Variants in HTR2C observed in about 807,000 individuals in gnomAD.
HTR2C encodes 5-hydroxytryptamine receptor 2C.
In HTR2C, 5 loss-of-function variants were observed where a neutral mutation model predicts 21.0. The observed-to-expected ratio is 0.24, with a 90% CI of 0.12 to 0.50. The LOEUF (loss-of-function observed/expected upper bound fraction) is 0.50. Ranked by LOEUF, HTR2C falls within the 20% of genes least tolerant of loss-of-function variation. The probability of loss-of-function intolerance (pLI) is 0.98; values close to 1 mark genes in which losing one functional copy is unlikely to be tolerated. For missense variants in HTR2C, 271 were observed against 371.2 expected (o/e 0.73, Z 2.22); for synonymous variants, 150 against 145.3 (o/e 1.03, Z -0.23).
chrX:114,645,468 G>A (rs1556407361), intron 2 of HTR2C, among the ~76,000 whole-genome samples: 2 of 103,848 alleles, frequency 1.9e-5, no homozygotes, highest in Non-Finnish European at 4.1e-5. Context: ...GAGAGAGAGG[G>A]AGAACGTAAT....
chrX:114,798,729 A>G (rs1427884070), intron 4 of HTR2C, among the ~76,000 whole-genome samples: 1 of 66,476 alleles, frequency 1.5e-5, no homozygotes, highest in Non-Finnish European at 3.1e-5. Flanking sequence ...TAGTTATCAC[A>G]TAAAAATACT....
chrX:114,788,679 G>A (rs2070201879), intron 4 of HTR2C, among the ~76,000 whole-genome samples: 1 of 111,377 alleles, frequency 9.0e-6, no homozygotes, highest in Non-Finnish European at 1.9e-5. Flanking sequence ...ACAGTATCTT[G>A]CTCTGTTGTC....
intron 1 of HTR2C, among the ~76,000 whole-genome samples, chrX:114,590,555 T>C (rs782242281): frequency 4.5e-5 from 5 of 111,604 alleles, no homozygotes; most frequent in Non-Finnish European, 9.4e-5. Context: ...TGTATTGTAT[T>C]CCAATGGTTA....
chrX:114,584,296 C>T lies in HTR2C; in HGVS notation c.-510C>T, dbSNP rs1339801615. 1 of 113,020 alleles carries T rather than the reference C, an allele frequency of 8.8e-6. No individual in the cohort carries two copies. Among genetic ancestry groups the T allele is most frequent in the African/African-American group, 3.2e-5 (1 of 30,997 alleles). The allele number at this position is 113,020 out of a possible 1,213,427, so 9.3% of individuals were successfully genotyped here. A position where few individuals can be genotyped will look rare whatever the true frequency, so the allele number is the denominator to read the frequency against. On this transcript the variant is annotated 5_prime_UTR_variant, in exon 1 of 6. Coordinates refer to ENST00000276198, the MANE Select transcript of HTR2C (RefSeq NM_000868.4). The stretch of plus-strand genomic sequence containing the variant: ...GATCGTCGTGGCGCTCGTGTGATGG[C>T]CTTCGTCCGTTTAGAGTAGTGTAGT...
At chrX:114,869,924 T>C (rs782304314) in intron 5 of HTR2C, among the ~76,000 whole-genome samples, 1 of 111,877 alleles carries the variant, frequency 8.9e-6, no homozygotes, top group South Asian at 3.7e-4. Flanking sequence ...AATGATCATA[T>C]TGTTTTTGTT....
At chrX:114,885,433 T>C (rs2147522607) in intron 5 of HTR2C, among the ~76,000 whole-genome samples, 1 of 111,214 alleles carries the variant, frequency 9.0e-6, no homozygotes, top group Non-Finnish European at 1.9e-5. Context: ...AACACATTTC[T>C]CAGAAGATGT....
intron 2 of HTR2C, among the ~76,000 whole-genome samples, chrX:114,635,981 AT>A (rs1260774587): frequency 9.1e-6 from 1 of 109,577 alleles, no homozygotes; most frequent in African/African-American, 3.3e-5. Context: ...GGCTTTGTGT[AT>A]TTTCAGACTG....
At chrX:114,671,745 G>A (rs1931386519) in intron 2 of HTR2C, among the ~76,000 whole-genome samples, 1 of 112,087 alleles carries the variant, frequency 8.9e-6, no homozygotes, top group Non-Finnish European at 1.9e-5. Context: ...CATTATTGAT[G>A]TGGACTATTA....
intron 2 of HTR2C, among the ~76,000 whole-genome samples, chrX:114,700,026 A>C (rs1314838083): frequency 8.9e-6 from 1 of 112,087 alleles, no homozygotes; most frequent in South Asian, 3.7e-4. Context: ...CGTAATAAAT[A>C]GATCTCTTCA....
intron 4 of HTR2C, among the ~76,000 whole-genome samples, chrX:114,756,556 A>G (rs2069815491): frequency 8.9e-6 from 1 of 112,291 alleles, no homozygotes; most frequent in African/African-American, 3.2e-5. Context: ...CCAGAGAATT[A>G]CGCTAAGTGA....
chrX:114,680,761 C>G (rs1451586559), intron 2 of HTR2C, among the ~76,000 whole-genome samples: 1 of 111,772 alleles, frequency 8.9e-6, no homozygotes, highest in Non-Finnish European at 1.9e-5. Context: ...GTCTTTAACT[C>G]AGAATAGTCA....
chrX:114,783,428 T>C (rs1319381870), intron 4 of HTR2C, among the ~76,000 whole-genome samples: 1 of 112,027 alleles, frequency 8.9e-6, no homozygotes, highest in Non-Finnish European at 1.9e-5. Context: ...ATCAGGAAGA[T>C]ACAGCAATTT....
chrX:114,746,722 C>T (rs1376511590), intron 4 of HTR2C, among the ~76,000 whole-genome samples: 3 of 109,944 alleles, frequency 2.7e-5, no homozygotes, highest in Non-Finnish European at 5.7e-5. Context: ...ACGGTGGCTC[C>T]CACCTGTAAT....
intron 4 of HTR2C, among the ~76,000 whole-genome samples, chrX:114,734,733 T>C (rs1315588931): frequency 9.1e-6 from 1 of 110,464 alleles, no homozygotes; most frequent in African/African-American, 3.3e-5. Flanking sequence ...CAAAAAGCCA[T>C]TTATTTTGTT....
At chrX:114,747,915 C>T (rs1452179282) in intron 4 of HTR2C, among the ~76,000 whole-genome samples, 1 of 112,178 alleles carries the variant, frequency 8.9e-6, no homozygotes, top group Non-Finnish European at 1.9e-5. Context: ...TGATTGCAGC[C>T]TATGAAACAT....
chrX:114,763,391 C>T (rs1371277975), intron 4 of HTR2C: 1 of 116,311 alleles, frequency 8.6e-6, no homozygotes, highest in Non-Finnish European at 1.9e-5. Flanking sequence ...ATTCATTGTA[C>T]TTAGCTGTGT....
intron 4 of HTR2C, among the ~76,000 whole-genome samples, chrX:114,804,829 C>T (rs2070386069): frequency 9.0e-6 from 1 of 111,602 alleles, no homozygotes; most frequent in Admixed American, 9.6e-5. Context: ...ACATTCTTTC[C>T]CTAGGCAATA....
chrX:114,833,779 T>C (rs1556462279), intron 4 of HTR2C, among the ~76,000 whole-genome samples: 1 of 111,408 alleles, frequency 9.0e-6, no homozygotes, highest in Non-Finnish European at 1.9e-5. Context: ...TCTAGTTCTT[T>C]CAATTGTGAT....
At chrX:114,685,089 AT>A (rs1556414044) in intron 2 of HTR2C, among the ~76,000 whole-genome samples, 1 of 111,461 alleles carries the variant, frequency 9.0e-6, no homozygotes, top group African/African-American at 3.2e-5. Flanking sequence ...TTTGATGGAT[AT>A]TTGTTTTCTA....
Sources: allele counts gnomAD v4.1 joint callset (sites outside exome capture counted in the v4.1 genomes callset), GRCh38; gene constraint gnomAD v4.1.1; transcripts MANE v1.5; gene names NCBI Gene and HGNC (gene_info 2026-07-23, HGNC 2026-07-21).